Variants in PDE5A observed in about 807,000 individuals in gnomAD.
The protein encoded by PDE5A is phosphodiesterase 5A, also known as cGMP-specific 3',5'-cyclic phosphodiesterase.
A neutral mutation model predicts 110.2 loss-of-function variants in PDE5A; 67 were observed. The ratio of observed to expected loss-of-function variants is 0.61; its 90% CI spans 0.50 to 0.75. PDE5A has a LOEUF of 0.75. PDE5A is among the 30% of genes least tolerant of loss of function. The probability of loss-of-function intolerance (pLI) is 0.00; values close to 1 mark genes in which losing one functional copy is unlikely to be tolerated. For synonymous variants in PDE5A, 328 were observed against 351.2 expected, an observed-to-expected ratio of 0.93 and a Z score of 0.74; for missense variants, 862 against 1,045.1, an observed-to-expected ratio of 0.82 and a Z score of 2.42.
chr4:119,596,594 C>G lies in PDE5A; in HGVS notation c.760G>C (p.Glu254Gln). ...DAYEDPRFNA[E>Q]VDQITGYKTQ... is the part of the protein sequence containing the mutation. ...TTGTAGCCTGTAATTTGGTCAACTTCTGCATTGAACCGAGGATCCTAGTAT... is the reference window on the plus strand; with the variant it reads ...TTGTAGCCTGTAATTTGGTCAACTTGTGCATTGAACCGAGGATCCTAGTAT... Residue 254 changes from glutamate (E) to glutamine (Q), a missense_variant, in exon 3 of 21, where the codon GAA (glutamate) becomes CAA (glutamine). Glu to Gln is a conservative substitution (Grantham distance 29). Coordinates refer to ENST00000354960, the MANE Select transcript of PDE5A (RefSeq NM_001083.4). 2 of 1,589,536 alleles carry G rather than the reference C, an allele frequency of 1.3e-6. No homozygotes were observed. The highest frequency in any genetic ancestry group is 1.7e-6 in the Non-Finnish European group (2 of 1,165,490).
Position 119,607,261 on chromosome 4 carries a change from G to C in PDE5A, c.189C>G (p.His63Gln), listed in dbSNP as rs766494759. The change falls in exon 2 of 21, where the codon CAC becomes CAG. Residue 63 changes from histidine (H) to glutamine (Q), a missense_variant. Transcript: ENST00000354960. ...MVNAWFAERV[H>Q]TIPVCKEGIR... The stretch of plus-strand genomic sequence containing the variant: ...TACCTTCCTTGCACACAGGGATGGT[G>C]TGAACTCTCTCAGCAAACCATGCAT... The C allele has an allele frequency of 6.2e-7, 1 of 1,612,656 alleles. No homozygotes were observed. Among genetic ancestry groups the C allele is most frequent in the African/African-American group, 1.3e-5 (1 of 74,930 alleles).
chr4:119,628,446 CAG>C, intron 1 of PDE5A, 72 bp downstream of exon 1: 2 of 1,269,528 alleles, frequency 1.6e-6, no homozygotes, highest in Non-Finnish European at 1.1e-6. Flanking sequence ...GGCCTGGGAA[CAG>C]GGGTGAACGA....
chr4:119,594,107 G>A lies in PDE5A; in HGVS notation c.831+2416C>T, dbSNP rs553365028. Among the ~76,000 whole-genome samples, 34 of 152,056 alleles carry A rather than the reference G, an allele frequency of 2.2e-4. No homozygotes were observed. In the South Asian group the frequency reaches 4.4e-3, roughly 20 times the overall value. ...GGACACAGACAAATCATGTCAGTAC[G>A]CGAATTATATCTCAATATAGCTGTG... On this transcript the variant is annotated intron_variant, in intron 3 of 20. Transcript: ENST00000354960.
intron 3 of PDE5A, among the ~76,000 whole-genome samples, chr4:119,596,076 A>T (rs1729142043): frequency 6.6e-6 from 1 of 152,210 alleles, no homozygotes. Context: ...TAAAATTTCA[A>T]ATTGAAATTT....
At chr4:119,610,468 C>A (rs1194183369) in intron 1 of PDE5A, among the ~76,000 whole-genome samples, 6 of 152,072 alleles carry the variant, frequency 3.9e-5, no homozygotes, top group Non-Finnish European at 8.8e-5. Context: ...AACTTAGCCC[C>A]AACTTATTTC....
At chr4:119,580,206 C>T (rs201834654) in intron 3 of PDE5A, among the ~76,000 whole-genome samples, 2 of 152,076 alleles carry the variant, frequency 1.3e-5, no homozygotes, top group Non-Finnish European at 2.9e-5. Context: ...AAAAAAAAAT[C>T]CCCCTCCTGC....
chr4:119,594,980 G>A (rs898270593), intron 3 of PDE5A, among the ~76,000 whole-genome samples: 1 of 152,166 alleles, frequency 6.6e-6, no homozygotes, highest in Non-Finnish European at 1.5e-5. Context: ...AGAAAGCTGT[G>A]TTTTAGGCAA....
chr4:119,550,578 G>T (rs1727311230), intron 9 of PDE5A: 1 of 152,148 alleles, frequency 6.6e-6, no homozygotes, highest in African/African-American at 2.4e-5. Context: ...TGACAAAGGG[G>T]CCTGATGCGT....
intron 3 of PDE5A, among the ~76,000 whole-genome samples, chr4:119,582,652 A>G (rs935442926): frequency 4.6e-5 from 7 of 152,326 alleles, no homozygotes; most frequent in African/African-American, 1.7e-4. Context: ...TTCTTAAACA[A>G]TAAGACTTGA....
At chr4:119,603,972 T>C (rs1399107595) in intron 2 of PDE5A, among the ~76,000 whole-genome samples, 1 of 152,230 alleles carries the variant, frequency 6.6e-6, no homozygotes, top group Non-Finnish European at 1.5e-5. Context: ...TGGTGCTTAG[T>C]AATGAATTAT....
intron 5 of PDE5A, among the ~76,000 whole-genome samples, chr4:119,564,669 A>C (rs2170276): frequency 0.27 from 41,132 of 151,956 alleles, 5,620 homozygotes; most frequent in East Asian, 0.38. Flanking sequence ...TCAAGGAAAA[A>C]AATTCAGAAA....
chr4:119,529,904 T>G (rs1726470894), intron 11 of PDE5A, among the ~76,000 whole-genome samples: 1 of 152,028 alleles, frequency 6.6e-6, no homozygotes, highest in Non-Finnish European at 1.5e-5. Flanking sequence ...CAAAGTTAAG[T>G]TCCTGGACCA....
In PDE5A at chr4:119,602,847, G is replaced by A. The variant is rs562781278; in HGVS notation, c.741+3862C>T. ...TAGCTACATGGTCAAGGCCACATAA[G>A]TGGCAATTTGACCCTTCCCTAAGAC... On this transcript the variant is annotated intron_variant, in intron 2 of 20. Transcript: ENST00000354960. 1.6e-4 allele frequency among the ~76,000 whole-genome samples: 24 copies of A among 152,362 alleles called. No homozygotes were observed. The East Asian group carries it at 4.4e-3, about 28-fold the overall frequency.
intron 9 of PDE5A, among the ~76,000 whole-genome samples, chr4:119,551,479 G>T (rs1345955718): frequency 6.6e-6 from 1 of 152,152 alleles, no homozygotes; most frequent in Non-Finnish European, 1.5e-5. Context: ...TCACAATAAG[G>T]ATGCATTCTA....
At chr4:119,509,257 G>T (rs1639207301) in intron 15 of PDE5A, among the ~76,000 whole-genome samples, 3 of 152,056 alleles carry the variant, frequency 2.0e-5, no homozygotes, top group Admixed American at 2.0e-4. Flanking sequence ...AAGTAACTTG[G>T]ACAGGCCAGT....
intron 7 of PDE5A, 69 bp downstream of exon 7, chr4:119,560,227 G>A: frequency 1.2e-6 from 1 of 840,708 alleles, no homozygotes; most frequent in Non-Finnish European, 1.9e-6. Context: ...AATCAAACTG[G>A]TCATGAAATA....
chr4:119,498,981 G>A (rs1379176996), intron 20 of PDE5A, among the ~76,000 whole-genome samples: 1 of 152,164 alleles, frequency 6.6e-6, no homozygotes, highest in Non-Finnish European at 1.5e-5. Flanking sequence ...ACATTACTGT[G>A]CTAGGGAGAC....
chr4:119,498,863 A>G, intron 20 of PDE5A, 125 bp from the exon 21 acceptor site: 1 of 961,152 alleles, frequency 1.0e-6, no homozygotes, highest in African/African-American at 1.6e-5. Context: ...TGAAATTTTC[A>G]CAAGCTTTGT....
intron 3 of PDE5A, among the ~76,000 whole-genome samples, chr4:119,576,946 C>T (rs1383976231): frequency 7.2e-6 from 1 of 139,132 alleles, no homozygotes; most frequent in Admixed American, 7.2e-5. Context: ...GCTAGCAAGA[C>T]TAATAAAGAA....
Sources: allele counts gnomAD v4.1 joint callset (sites outside exome capture counted in the v4.1 genomes callset), GRCh38; gene constraint gnomAD v4.1.1; transcripts MANE v1.5; gene names NCBI Gene and HGNC (gene_info 2026-07-23, HGNC 2026-07-21).